The following ZNF804A variants were observed in gnomAD, a reference collection of about 807,000 sequenced individuals.
The protein encoded by ZNF804A is zinc finger protein 804A.
Under a neutral mutation model 16.5 loss-of-function variants are expected in ZNF804A, and 2 were observed. That is an observed-to-expected ratio of 0.12 (90% confidence interval 0.05 to 0.38). The LOEUF is 0.38. ZNF804A is among the 10% of genes least tolerant of loss of function. The pLI is 0.99. For missense variants in ZNF804A, 1,473 were observed against 1,390.7 expected (o/e 1.06, Z -0.94); for synonymous variants, 534 against 489.6 (o/e 1.09, Z -1.20).
intron 1 of ZNF804A, among the ~76,000 whole-genome samples, chr2:184,664,367 A>C (rs1183286365): frequency 6.6e-6 from 1 of 152,134 alleles, no homozygotes; most frequent in Non-Finnish European, 1.5e-5. Context: ...ATATTAAACA[A>C]GTGGCTTAAT....
intron 1 of ZNF804A, among the ~76,000 whole-genome samples, chr2:184,808,487 C>A (rs72903778): frequency 6.6e-6 from 1 of 151,236 alleles, no homozygotes; most frequent in African/African-American, 2.4e-5. Flanking sequence ...ATATTGAAAG[C>A]GAGATACAGA....
chr2:184,848,575 T>C (rs1272898718), intron 1 of ZNF804A, among the ~76,000 whole-genome samples: 1 of 152,078 alleles, frequency 6.6e-6, no homozygotes, highest in Admixed American at 6.6e-5. Flanking sequence ...AAGTGTGTTA[T>C]GCAAACATCT....
Position 184,938,105 on chromosome 2 carries a change from T to C in ZNF804A, c.2709T>C (p.Thr903=), listed in dbSNP as rs1685824248. Residue 903 remains threonine, a synonymous_variant, in exon 4 of 4, where the codon ACT becomes ACC. Coordinates refer to ENST00000302277, the MANE Select transcript of ZNF804A (RefSeq NM_194250.2). Reference sequence around the variant, plus strand: ...CTGAGCATTTAGAAATGGAGACCACTTCTGGTGAATTGTCAGATGTTTCCA... The same window carrying C: ...CTGAGCATTTAGAAATGGAGACCACCTCTGGTGAATTGTCAGATGTTTCCA... ...GETEHLEMET[T]SGELSDVSND... is the part of the protein sequence containing the mutation. 6.2e-7 allele frequency: 1 copy of C among 1,614,162 alleles called. No individual in the cohort carries two copies. The highest frequency in any genetic ancestry group is 8.5e-7 in the Non-Finnish European group (1 of 1,180,024).
chr2:184,729,613 G>A (rs549760680), intron 1 of ZNF804A, among the ~76,000 whole-genome samples: 13 of 152,158 alleles, frequency 8.5e-5, no homozygotes, highest in Admixed American at 2.0e-4. Context: ...TGAATGCAAA[G>A]TGAACAAAAA....
chr2:184,649,959 A>G lies in ZNF804A; in HGVS notation c.111+50889A>G, dbSNP rs145735903. 3.6e-3 allele frequency among the ~76,000 whole-genome samples: 544 copies of G among 152,150 alleles called. 6 individuals carry two copies. Among genetic ancestry groups the G allele is most frequent in the African/African-American group, 0.013 (521 of 41,548 alleles). On this transcript the variant is annotated intron_variant, in intron 1 of 3. Transcript: ENST00000302277. Reference sequence around the variant, plus strand: ...GAGGGACTCCTTTCTAACTAATTCTATAAATCCAGCACCACCCTTATACCC... The same window carrying G: ...GAGGGACTCCTTTCTAACTAATTCTGTAAATCCAGCACCACCCTTATACCC...
At chr2:184,793,080 A>G (rs1694574645) in intron 1 of ZNF804A, among the ~76,000 whole-genome samples, 1 of 152,122 alleles carries the variant, frequency 6.6e-6, no homozygotes, top group African/African-American at 2.4e-5. Flanking sequence ...AGCTCCATCC[A>G]TCGTGCTGCA....
chr2:184,607,624 T>C, intron 1 of ZNF804A, among the ~76,000 whole-genome samples: 1 of 151,988 alleles, frequency 6.6e-6, no homozygotes, highest in East Asian at 1.9e-4. Flanking sequence ...TTATGGGAAC[T>C]ACAATTCAAG....
At chr2:184,644,687 T>G (rs1442804910) in intron 1 of ZNF804A, among the ~76,000 whole-genome samples, 1 of 152,008 alleles carries the variant, frequency 6.6e-6, no homozygotes, top group African/African-American at 2.4e-5. Flanking sequence ...CTCTTTCAAA[T>G]TCTATGAAAG....
intron 2 of ZNF804A, among the ~76,000 whole-genome samples, chr2:184,930,691 T>A (rs1178457254): frequency 1.3e-5 from 2 of 152,192 alleles, no homozygotes; most frequent in Non-Finnish European, 2.9e-5. Flanking sequence ...TTAAAATAGA[T>A]GGAACATTTA....
chr2:184,679,458 A>G (rs1186215586), intron 1 of ZNF804A, among the ~76,000 whole-genome samples: 1 of 152,034 alleles, frequency 6.6e-6, no homozygotes, highest in Non-Finnish European at 1.5e-5. Context: ...GTGGGGCAGG[A>G]GCCCCACCCT....
chr2:184,773,563 A>C lies in ZNF804A; in HGVS notation c.112-92806A>C, dbSNP rs1028419067. Among the ~76,000 whole-genome samples the C allele has an allele frequency of 3.3e-5, 5 of 151,976 alleles. No homozygotes were observed. In the Admixed American group the frequency reaches 3.3e-4, roughly 10 times the overall value. On this transcript the variant is annotated intron_variant, in intron 1 of 3. Transcript: ENST00000302277. ...GAAGTAACTCAGGAATGGAAAATCA[A>C]ACATTTTATATTCTCACTCATAAAT...
chr2:184,660,905 T>A (rs1215858919), intron 1 of ZNF804A, among the ~76,000 whole-genome samples: 1 of 152,266 alleles, frequency 6.6e-6, no homozygotes, highest in East Asian at 1.9e-4. Flanking sequence ...AACTATTGCT[T>A]TGGTAACTCT....
At chr2:184,748,679 G>T (rs1168440470) in intron 1 of ZNF804A, among the ~76,000 whole-genome samples, 1 of 150,736 alleles carries the variant, frequency 6.6e-6, no homozygotes, top group Non-Finnish European at 1.5e-5. Context: ...GCTTCTGAAG[G>T]TTATTTCCTA....
intron 2 of ZNF804A, among the ~76,000 whole-genome samples, chr2:184,914,001 G>C (rs1490701862): frequency 6.6e-6 from 1 of 152,124 alleles, no homozygotes; most frequent in Non-Finnish European, 1.5e-5. Context: ...TCATTCTTCT[G>C]TATCTGTGGA....
rs563688735 is a variant in ZNF804A, at chr2:184,670,161, T to C, written c.111+71091T>C. 8.8e-4 allele frequency among the ~76,000 whole-genome samples: 134 copies of C among 152,220 alleles called. 3 individuals are homozygous for C. In the South Asian group the frequency reaches 0.025, roughly 28 times the overall value. ...CTTTTGTCAGCCTAATTGCTATTCC[T>C]TTCTATATAAATATGCTTTTTCTGT... On this transcript the variant is annotated intron_variant, in intron 1 of 3. Transcript: ENST00000302277.
intron 1 of ZNF804A, among the ~76,000 whole-genome samples, chr2:184,604,466 C>T (rs1388800024): frequency 6.6e-6 from 1 of 152,032 alleles, no homozygotes; most frequent in Non-Finnish European, 1.5e-5. Context: ...AGCCACCGCG[C>T]TCGGCCACAT....
intron 1 of ZNF804A, among the ~76,000 whole-genome samples, chr2:184,631,506 A>G (rs1480368410): frequency 6.6e-6 from 1 of 152,186 alleles, no homozygotes; most frequent in Admixed American, 6.5e-5. Context: ...ATATTTAATT[A>G]GGTTTATTTA....
intron 1 of ZNF804A, among the ~76,000 whole-genome samples, chr2:184,837,274 A>G (rs962731977): frequency 2.0e-5 from 3 of 152,020 alleles, no homozygotes; most frequent in Non-Finnish European, 4.4e-5. Flanking sequence ...TGATTGGTAA[A>G]CAGTAGGTTA....
chr2:184,723,173 T>G (rs1693348897), intron 1 of ZNF804A, among the ~76,000 whole-genome samples: 1 of 151,886 alleles, frequency 6.6e-6, no homozygotes, highest in South Asian at 2.1e-4. Flanking sequence ...TATTCCTTTT[T>G]CATTTAATAG....
Sources: gnomAD v4.1 joint callset for allele counts (sites outside exome capture counted in the v4.1 genomes callset) on GRCh38, gnomAD v4.1.1 for gene constraint, MANE v1.5 for transcripts, NCBI Gene and HGNC (gene_info 2026-07-23, HGNC 2026-07-21) for gene names.